The following USP3 variants were observed in gnomAD, a reference collection of about 807,000 sequenced individuals.
The protein encoded by USP3 is ubiquitin specific peptidase 3.
USP3 carries 20 observed loss-of-function variants against 72.3 expected under a neutral mutation model. The observed-to-expected ratio is 0.28, with a 90% CI of 0.19 to 0.40. The LOEUF is 0.40. Ranked by LOEUF, USP3 falls within the 10% of genes least tolerant of loss-of-function variation. The pLI, the probability that USP3 is intolerant of heterozygous loss-of-function variation, is 1.00. For synonymous variants in USP3, 222 were observed against 225.3 expected, an observed-to-expected ratio of 0.99 and a Z score of 0.13; for missense variants, 479 against 633.9, an observed-to-expected ratio of 0.76 and a Z score of 2.62.
intron 4 of USP3, among the ~76,000 whole-genome samples, chr15:63,554,516 G>C (rs2066480425): frequency 2.0e-5 from 3 of 152,206 alleles, no homozygotes. Flanking sequence ...GCTGACTCAA[G>C]TGAAATCTCT....
rs1315612692 is a variant in USP3, at chr15:63,591,176, A to AAGCAAGATGTGTTCCTT, written c.*352_*368dup. ...TGCTTTTGTTCCTCTCACATGCTGA[A>AAGCAAGATGTGTTCCTT]AGCAAGATGTGTTCCTTATTGTGAA... On this transcript the variant is annotated 3_prime_UTR_variant, in exon 15 of 15. Coordinates refer to ENST00000380324, the MANE Select transcript of USP3 (RefSeq NM_006537.4). 5.0e-6 allele frequency: 1 copy of AAGCAAGATGTGTTCCTT among 198,032 alleles called. No individual in the cohort carries two copies. The highest frequency in any genetic ancestry group is 1.0e-5 in the Non-Finnish European group (1 of 96,592). The allele number at this position is 198,032 out of a possible 1,614,324, so 12.3% of individuals were successfully genotyped here. A position where few individuals can be genotyped will look rare whatever the true frequency, so the allele number is the denominator to read the frequency against.
intron 3 of USP3, among the ~76,000 whole-genome samples, chr15:63,550,985 C>T (rs557950590): frequency 1.3e-5 from 2 of 152,148 alleles, no homozygotes; most frequent in South Asian, 4.1e-4. Context: ...AATACCCTGG[C>T]TGTATTTTTA....
At chr15:63,539,251 C>A (rs1442821589) in intron 3 of USP3, among the ~76,000 whole-genome samples, 1 of 151,990 alleles carries the variant, frequency 6.6e-6, no homozygotes, top group African/African-American at 2.4e-5. Context: ...AAGTATCTGT[C>A]TCACATTGTC....
At chr15:63,581,842 A>G (rs1034732738) in intron 11 of USP3, among the ~76,000 whole-genome samples, 3 of 151,546 alleles carry the variant, frequency 2.0e-5, no homozygotes, top group African/African-American at 7.3e-5. Context: ...ACATGCTGCA[A>G]TGCTTGTGTT....
rs8043465 is a variant in USP3 at position 63,592,076 on chromosome 15, T to C, written c.*1250T>C. On this transcript the variant is annotated 3_prime_UTR_variant, in exon 15 of 15. Transcript: ENST00000380324. ...ACAGGTGCCCACCACTACACCTGGC[T>C]AATTTTTTTTTTGTATTTTTAGTAA... The C allele has an allele frequency of 0.11, 17,294 of 152,000 alleles. 1,015 individuals carry two copies. Among genetic ancestry groups the C allele is most frequent in the Middle Eastern group, 0.15 (43 of 296 alleles). The allele number at this position is 152,000 out of a possible 1,614,324, so 9.4% of individuals were successfully genotyped here. A position where few individuals can be genotyped will look rare whatever the true frequency, so the allele number is the denominator to read the frequency against.
intron 1 of USP3, among the ~76,000 whole-genome samples, chr15:63,531,563 C>T (rs1595719037): frequency 6.6e-6 from 1 of 152,170 alleles, no homozygotes; most frequent in Non-Finnish European, 1.5e-5. Context: ...GTTCTCCATT[C>T]ACCTTATTTC....
intron 9 of USP3, among the ~76,000 whole-genome samples, chr15:63,572,494 A>G (rs900768768): frequency 6.6e-6 from 1 of 152,136 alleles, no homozygotes; most frequent in Non-Finnish European, 1.5e-5. Flanking sequence ...TCTTTTAAAA[A>G]AAAATTTAAG....
At chr15:63,554,668 T>C (rs1291875394) in intron 4 of USP3, among the ~76,000 whole-genome samples, 1 of 152,212 alleles carries the variant, frequency 6.6e-6, no homozygotes, top group African/African-American at 2.4e-5. Context: ...AATTGCATAC[T>C]GAAAAGAAAT....
intron 7 of USP3, among the ~76,000 whole-genome samples, chr15:63,562,586 T>G (rs540765819): frequency 6.6e-6 from 1 of 152,362 alleles, no homozygotes; most frequent in African/African-American, 2.4e-5. Context: ...CATTCTTAAG[T>G]CATTTGGCCT....
chr15:63,555,916 A>G (rs1179361210), intron 4 of USP3, among the ~76,000 whole-genome samples: 1 of 152,226 alleles, frequency 6.6e-6, no homozygotes, highest in East Asian at 1.9e-4. Context: ...AGAAGGTGGG[A>G]GAGAATTGGC....
chr15:63,513,797 CA>C (rs1387890600), intron 1 of USP3, among the ~76,000 whole-genome samples: 1 of 152,156 alleles, frequency 6.6e-6, no homozygotes, highest in African/African-American at 2.4e-5. Context: ...TTCTAGAAAA[CA>C]AATTTCTGAC....
At chr15:63,547,423 T>C (rs2066345884) in intron 3 of USP3, among the ~76,000 whole-genome samples, 1 of 151,910 alleles carries the variant, frequency 6.6e-6, no homozygotes, top group African/African-American at 2.4e-5. Context: ...GAAAAACAAA[T>C]CCAGCCAAAA....
In USP3 at chr15:63,594,548, A is replaced by T. The variant is rs2067258853; in HGVS notation, c.*3722A>T. 6.6e-6 allele frequency: 1 copy of T among 152,214 alleles called. No individual in the cohort carries two copies. Among genetic ancestry groups the T allele is most frequent in the African/African-American group, 2.4e-5 (1 of 41,448 alleles). The allele number at this position is 152,214 out of a possible 1,614,324, so 9.4% of individuals were successfully genotyped here. A position where few individuals can be genotyped will look rare whatever the true frequency, so the allele number is the denominator to read the frequency against. On this transcript the variant is annotated 3_prime_UTR_variant, in exon 15 of 15. Coordinates refer to ENST00000380324, the MANE Select transcript of USP3 (RefSeq NM_006537.4). ...AGAGGATTAATTGTGCAAGTGACTG[A>T]TTCATTTAAATTGTAATCACATCCC...
At chr15:63,507,731 C>T (rs1405517470) in intron 1 of USP3, among the ~76,000 whole-genome samples, 1 of 152,208 alleles carries the variant, frequency 6.6e-6, no homozygotes, top group Non-Finnish European at 1.5e-5. Flanking sequence ...TTGTGTATGA[C>T]AGTGGTTCTT....
chr15:63,583,115 G>C (rs544235735), intron 11 of USP3, among the ~76,000 whole-genome samples: 20 of 152,114 alleles, frequency 1.3e-4, no homozygotes, highest in Non-Finnish European at 2.5e-4. Flanking sequence ...TAAATATAGG[G>C]GGGGGAAAAA....
Position 63,505,607 on chromosome 15 carries a change from T to TATA in USP3, c.91+779_91+781dup, listed in dbSNP as rs202055219. On this transcript the variant is annotated intron_variant, in intron 1 of 14. Transcript: ENST00000380324. ...TGTTGTGAAACACTTATTAGATTTATATAAGGCTTTTGAGTAGCTTAAGCG... is the reference window on the plus strand; with the variant it reads ...TGTTGTGAAACACTTATTAGATTTATATAATAAGGCTTTTGAGTAGCTTAAGCG... Among the ~76,000 whole-genome samples, 261 of 152,320 alleles carry TATA rather than the reference T, an allele frequency of 1.7e-3. 3 individuals are homozygous for TATA. The East Asian group carries it at 0.022, about 13-fold the overall frequency.
chr15:63,590,203 G>T (rs1427601052), intron 14 of USP3, among the ~76,000 whole-genome samples: 2 of 152,190 alleles, frequency 1.3e-5, no homozygotes, highest in East Asian at 1.9e-4. Context: ...CACCTACAAA[G>T]GTCTGTTCTA....
At chr15:63,506,812 C>T (rs1382435001) in intron 1 of USP3, among the ~76,000 whole-genome samples, 1 of 152,214 alleles carries the variant, frequency 6.6e-6, no homozygotes, top group Non-Finnish European at 1.5e-5. Context: ...GCTTTGCAAG[C>T]CTGGGTCTAG....
rs536614268 is a variant in USP3, at chr15:63,570,154, G to A, written c.762-279G>A. ...CGTTGGGGAAGTCACATACCACCCC[G>A]CCACCTCCACAATTTCCTCACCTCT... On this transcript the variant is annotated intron_variant, in intron 8 of 14. Transcript: ENST00000380324. This position sits in a 1 kb window ranked among gnomAD's most constrained non-coding sequence, Gnocchi z 4.4. Among the ~76,000 whole-genome samples, 3 of 152,252 alleles carry A rather than the reference G, an allele frequency of 2.0e-5. No individual in the cohort carries two copies. The highest frequency in any genetic ancestry group is 1.9e-4 in the East Asian group (1 of 5,184).
Sources: allele counts gnomAD v4.1 joint callset (sites outside exome capture counted in the v4.1 genomes callset), GRCh38; gene constraint gnomAD v4.1.1; non-coding constraint Gnocchi (gnomAD v3.1); transcripts MANE v1.5; gene names NCBI Gene and HGNC (gene_info 2026-07-23, HGNC 2026-07-21).